Variants in DUSP28 observed in about 807,000 individuals in gnomAD.
The protein encoded by DUSP28 is dual specificity phosphatase 28.
A neutral mutation model predicts 8.4 loss-of-function variants in DUSP28; 11 were observed. That is an observed-to-expected ratio of 1.31 (90% CI 0.83 to 2.17). The LOEUF is 2.17. DUSP28 is among the 30% of genes most tolerant of loss of function. DUSP28 has a pLI of 0.00. For synonymous variants in DUSP28, 178 were observed against 130.9 expected (o/e 1.36, Z -2.46); for missense variants, 373 against 270.4 (o/e 1.38, Z -2.66).
Position 240,560,927 on chromosome 2 carries a change from C to A in DUSP28, c.243C>A (p.His81Gln). The A allele has an allele frequency of 6.5e-7, 1 of 1,539,268 alleles. No individual in the cohort carries two copies. The highest frequency in any genetic ancestry group is 8.6e-7 in the Non-Finnish European group (1 of 1,156,156). The change falls in exon 1 of 2, where the codon CAC (histidine) becomes CAA (glutamine). Residue 81 changes from histidine (H) to glutamine (Q), a missense_variant. His to Gln is a conservative substitution (Grantham distance 24). Coordinates refer to ENST00000405954, the MANE Select transcript of DUSP28 (RefSeq NM_001370465.2). ...ACCCGGCTGAGGACCTGCTGGCGCA[C>A]CTGGAGCCCACGTGCGCCGCCATGG... ...FDDPAEDLLA[H>Q]LEPTCAAMEA...
At position 240,561,240 on chromosome 2, in the gene DUSP28, G is replaced by A. The variant is rs921999505; in HGVS notation, c.394-90G>A. Reference sequence around the variant, plus strand: ...GAAGCAGAGAGGCACTTCCGGGTTGGGCGGGGCCCACTCTTACAGCTGGGC... The same window carrying A: ...GAAGCAGAGAGGCACTTCCGGGTTGAGCGGGGCCCACTCTTACAGCTGGGC... On this transcript the variant is annotated intron_variant, in intron 1 of 1. Transcript: ENST00000405954. 3.8e-6 allele frequency: 6 copies of A among 1,595,280 alleles called. No homozygotes were observed. In the East Asian group the frequency reaches 1.1e-4, roughly 30 times the overall value.
rs779618846 is a variant in DUSP28, at chr2:240,564,052, GGAGAAATGAGCACACGCTGT to G, written c.*2586_*2605del. 2 of 152,324 alleles carry G rather than the reference GGAGAAATGAGCACACGCTGT, an allele frequency of 1.3e-5. No homozygotes were observed. The highest frequency in any genetic ancestry group is 2.9e-5 in the Non-Finnish European group (2 of 68,038). The allele number at this position is 152,324 out of a possible 1,614,324, so 9.4% of individuals were successfully genotyped here. ...GTAAACTGCAGATTCAAAAATCGAGGGAGAAATGAGCACACGCTGTACTTGGCTGTACATATAATTGCTGA... is the reference window on the plus strand; with the variant it reads ...GTAAACTGCAGATTCAAAAATCGAGGACTTGGCTGTACATATAATTGCTGA... On this transcript the variant is annotated 3_prime_UTR_variant, in exon 2 of 2. Transcript: ENST00000405954.
At chr2:240,561,257 C>T (rs4676426) in intron 1 of DUSP28, 73 bp from the exon 2 acceptor site, 39 of 1,606,932 alleles carry the variant, frequency 2.4e-5, no homozygotes, top group Admixed American at 5.1e-5. Context: ...CCCACTCTTA[C>T]AGCTGGGCCC....
chr2:240,560,404 G>A lies in DUSP28; in HGVS notation c.-281G>A, dbSNP rs764440802. On this transcript the variant is annotated 5_prime_UTR_variant, in exon 1 of 2. Coordinates refer to ENST00000405954, the MANE Select transcript of DUSP28 (RefSeq NM_001370465.2). The stretch of plus-strand genomic sequence containing the variant: ...AGGCCGCGGGGGCGGGGAGGACGGC[G>A]CCCGGGGACAGAGAACATGGGACGC... The A allele has an allele frequency of 8.3e-5, 26 of 311,472 alleles. No homozygotes were observed. The highest frequency in any genetic ancestry group is 1.5e-4 in the Non-Finnish European group (26 of 176,134). 19.3% of individuals were successfully genotyped at this position (311,472 alleles called of 1,614,324 possible).
intron 1 of DUSP28, 117 bp from the exon 2 acceptor site, chr2:240,561,213 G>A (rs974849724): frequency 1.3e-6 from 2 of 1,566,198 alleles, no homozygotes; most frequent in African/African-American, 1.4e-5. Context: ...GGCGGGCTTA[G>A]GGAAGCAGAG....
In DUSP28 at chr2:240,563,031, T is replaced by C. The variant is rs1294206593; in HGVS notation, c.*1564T>C. On this transcript the variant is annotated 3_prime_UTR_variant, in exon 2 of 2. Transcript: ENST00000405954. ...AAATGTCACCATACTTTTTATTCCA[T>C]AGCACGGCTCCCACGCAGCTCACTA... 1 of 152,682 alleles carries C rather than the reference T, an allele frequency of 6.5e-6. No individual in the cohort carries two copies. Among genetic ancestry groups the C allele is most frequent in the African/African-American group, 2.4e-5 (1 of 41,450 alleles). 9.5% of individuals were successfully genotyped at this position (152,682 alleles called of 1,614,324 possible).
chr2:240,560,759 A>G lies in DUSP28; in HGVS notation c.75A>G (p.Ser25=), dbSNP rs2092916017. ...VPPPLVRVAP[S]LFLGSARAAG... is the part of the protein sequence containing the mutation. ...CACCGTTGGTGCGCGTCGCGCCCTC[A>G]CTCTTCCTCGGGAGCGCGCGAGCCG... Residue 25 remains serine, a synonymous_variant, in exon 1 of 2, where the codon TCA becomes TCG. Coordinates refer to ENST00000405954, the MANE Select transcript of DUSP28 (RefSeq NM_001370465.2). 2 of 1,488,258 alleles carry G rather than the reference A, an allele frequency of 1.3e-6. No individual in the cohort carries two copies. Among genetic ancestry groups the G allele is most frequent in the East Asian group, 2.9e-5 (1 of 34,732 alleles). 92.2% of individuals were successfully genotyped at this position (1,488,258 alleles called of 1,614,324 possible).
rs1422854125 is a variant in DUSP28 at position 240,561,755 on chromosome 2, T to C, written c.*288T>C. On this transcript the variant is annotated 3_prime_UTR_variant, in exon 2 of 2. Transcript: ENST00000405954. ...AGTGTTTGGGGGTGCCGGCGCATTC[T>C]ACCAGTCTCAGGGAAGGACATGAGT... 3 of 380,316 alleles carry C rather than the reference T, an allele frequency of 7.9e-6. No individual in the cohort carries two copies. Among genetic ancestry groups the C allele is most frequent in the East Asian group, 1.1e-4 (2 of 18,040 alleles). 23.6% of individuals were successfully genotyped at this position (380,316 alleles called of 1,614,324 possible). A position where few individuals can be genotyped will look rare whatever the true frequency, so the allele number is the denominator to read the frequency against.
rs1055551704 is a variant in DUSP28, at chr2:240,560,587, G to A, written c.-98G>A. On this transcript the variant is annotated 5_prime_UTR_variant, in exon 1 of 2. Coordinates refer to ENST00000405954, the MANE Select transcript of DUSP28 (RefSeq NM_001370465.2). The stretch of plus-strand genomic sequence containing the variant: ...AGGCCTCTAGGACCCGGGGGCGCCC[G>A]GCGGCCCGCCCGGCTCCCACAAATA... 1 of 1,323,478 alleles carries A rather than the reference G, an allele frequency of 7.6e-7. No homozygotes were observed. The highest frequency in any genetic ancestry group is 9.6e-7 in the Non-Finnish European group (1 of 1,039,264). The allele number at this position is 1,323,478 out of a possible 1,614,324, so 82.0% of individuals were successfully genotyped here. A position where few individuals can be genotyped will look rare whatever the true frequency, so the allele number is the denominator to read the frequency against.
chr2:240,562,389 T>G lies in DUSP28; in HGVS notation c.*922T>G, dbSNP rs2092979144. 1 of 152,256 alleles carries G rather than the reference T, an allele frequency of 6.6e-6. No homozygotes were observed. Among genetic ancestry groups the G allele is most frequent in the African/African-American group, 2.4e-5 (1 of 41,454 alleles). 9.4% of individuals were successfully genotyped at this position (152,256 alleles called of 1,614,324 possible). On this transcript the variant is annotated 3_prime_UTR_variant, in exon 2 of 2. Transcript: ENST00000405954. ...GCGTGAGCCACCGTGCCCAGCCTCC[T>G]TTTTCTATTACTAGAGAACTCCAGG...
chr2:240,561,054 C>A lies in DUSP28; in HGVS notation c.370C>A (p.Leu124Ile). The part of the protein sequence containing the change: ...CTAYLMRHRG[L>I]SLAKAFQMVK... ...CGCGTACCTCATGCGGCACCGCGGC[C>A]TCAGCCTGGCGAAGGCCTTCCAGGT... The change falls in exon 1 of 2, where the codon CTC (leucine) becomes ATC (isoleucine). Residue 124 changes from leucine to isoleucine, a missense_variant. Coordinates refer to ENST00000405954, the MANE Select transcript of DUSP28 (RefSeq NM_001370465.2). The A allele has an allele frequency of 6.7e-7, 1 of 1,501,280 alleles. No homozygotes were observed. The highest frequency in any genetic ancestry group is 2.4e-5 in the East Asian group (1 of 41,290). The allele number at this position is 1,501,280 out of a possible 1,614,324, so 93.0% of individuals were successfully genotyped here.
intron 1 of DUSP28, 82 bp from the exon 2 acceptor site, chr2:240,561,248 C>T (rs1416606767): frequency 1.9e-6 from 3 of 1,600,362 alleles, no homozygotes; most frequent in Non-Finnish European, 2.5e-6. Flanking sequence ...TGGGCGGGGC[C>T]CACTCTTACA....
At position 240,562,856 on chromosome 2, in the gene DUSP28, A is replaced by C; in HGVS notation, c.*1389A>C. ...GGACACTATTTACTTTATAATGCAC[A>C]TCTTGATCCCAGTTTATAAACTGGG... On this transcript the variant is annotated 3_prime_UTR_variant, in exon 2 of 2. Coordinates refer to ENST00000405954, the MANE Select transcript of DUSP28 (RefSeq NM_001370465.2). 6.5e-6 allele frequency: 1 copy of C among 153,882 alleles called. No individual in the cohort carries two copies. Among genetic ancestry groups the C allele is most frequent in the East Asian group, 1.9e-4 (1 of 5,208 alleles). The allele number at this position is 153,882 out of a possible 1,614,324, so 9.5% of individuals were successfully genotyped here. A position where few individuals can be genotyped will look rare whatever the true frequency, so the allele number is the denominator to read the frequency against.
At position 240,564,472 on chromosome 2, in the gene DUSP28, T is replaced by C. The variant is rs942919715; in HGVS notation, c.*3005T>C. On this transcript the variant is annotated 3_prime_UTR_variant, in exon 2 of 2. Transcript: ENST00000405954. ...GCAAGGGTCTGCGCATCAGACCACA[T>C]GGACCCCTGCACCACCATCTGCTCC... is the stretch of plus-strand genomic sequence containing the variant. 6.6e-6 allele frequency among the ~76,000 whole-genome samples: 1 copy of C among 152,242 alleles called. No homozygotes were observed. Among genetic ancestry groups the C allele is most frequent in the African/African-American group, 2.4e-5 (1 of 41,466 alleles).
upstream of DUSP28, chr2:240,560,325 G>C (rs1559406388): frequency 1.1e-5 from 2 of 184,870 alleles, no homozygotes; most frequent in Non-Finnish European, 2.2e-5. Flanking sequence ...AGACGCCGCA[G>C]TAGAGCGGGC....
chr2:240,560,926 A>C lies in DUSP28; in HGVS notation c.242A>C (p.His81Pro). Residue 81 changes from histidine to proline, a missense_variant, in exon 1 of 2, where the codon CAC (histidine) becomes CCC (proline). By Grantham distance (77) the His-to-Pro change is moderately conservative. Transcript: ENST00000405954. ...FDDPAEDLLA[H>P]LEPTCAAMEA... ...GACCCGGCTGAGGACCTGCTGGCGC[A>C]CCTGGAGCCCACGTGCGCCGCCATG... is the stretch of plus-strand genomic sequence containing the variant. 6.5e-7 allele frequency: 1 copy of C among 1,538,200 alleles called. No individual in the cohort carries two copies. Among genetic ancestry groups the C allele is most frequent in the Non-Finnish European group, 8.7e-7 (1 of 1,155,684 alleles).
In DUSP28 at chr2:240,561,096, G is replaced by A. The variant is rs747836528; in HGVS notation, c.393+19G>A. ...CTTCCAGGTGGGCGGGCCTTTAGGG[G>A]GGCGGTGTTTCGAGAGGGGCGTGTC... is the stretch of plus-strand genomic sequence containing the variant. On this transcript the variant is annotated intron_variant, in intron 1 of 1. Coordinates refer to ENST00000405954, the MANE Select transcript of DUSP28 (RefSeq NM_001370465.2). 5 of 1,466,336 alleles carry A rather than the reference G, an allele frequency of 3.4e-6. No homozygotes were observed. In the East Asian group the frequency reaches 9.8e-5, roughly 29 times the overall value. The allele number at this position is 1,466,336 out of a possible 1,614,324, so 90.8% of individuals were successfully genotyped here. A position where few individuals can be genotyped will look rare whatever the true frequency, so the allele number is the denominator to read the frequency against.
chr2:240,560,582 C>T lies in DUSP28; in HGVS notation c.-103C>T. 7.6e-7 allele frequency: 1 copy of T among 1,317,336 alleles called. No homozygotes were observed. The highest frequency in any genetic ancestry group is 9.7e-7 in the Non-Finnish European group (1 of 1,034,696). The allele number at this position is 1,317,336 out of a possible 1,614,324, so 81.6% of individuals were successfully genotyped here. On this transcript the variant is annotated 5_prime_UTR_variant, in exon 1 of 2. Coordinates refer to ENST00000405954, the MANE Select transcript of DUSP28 (RefSeq NM_001370465.2). ...CTCGGAGGCCTCTAGGACCCGGGGG[C>T]GCCCGGCGGCCCGCCCGGCTCCCAC... is the stretch of plus-strand genomic sequence containing the variant.
rs576520296 is a variant in DUSP28, at chr2:240,560,533, G to C, written c.-152G>C. On this transcript the variant is annotated 5_prime_UTR_variant, in exon 1 of 2. Transcript: ENST00000405954. ...CTGTCCCGGCCCAGCGCCCGCGGGG[G>C]ACCCAAGCCCCAGCCTGGTCCACCT... is the stretch of plus-strand genomic sequence containing the variant. 2.6e-6 allele frequency: 3 copies of C among 1,159,244 alleles called. No homozygotes were observed. Among genetic ancestry groups the C allele is most frequent in the Admixed American group, 4.3e-5 (1 of 23,442 alleles). The allele number at this position is 1,159,244 out of a possible 1,614,324, so 71.8% of individuals were successfully genotyped here.
Sources: gnomAD v4.1 joint callset for allele counts (sites outside exome capture counted in the v4.1 genomes callset) on GRCh38, gnomAD v4.1.1 for gene constraint, MANE v1.5 for transcripts, NCBI Gene and HGNC (gene_info 2026-07-23, HGNC 2026-07-21) for gene names.